USP13: variants seen among roughly 807,000 people sequenced by gnomAD.
USP13 encodes the protein ubiquitin carboxyl-terminal hydrolase 13.
Under a neutral mutation model 107.8 loss-of-function variants are expected in USP13, and 68 were observed. That is an observed-to-expected ratio of 0.63 (90% confidence interval 0.52 to 0.77). USP13 has a LOEUF of 0.77. USP13 is among the 30% of genes least tolerant of loss of function. The probability of loss-of-function intolerance (pLI) is 0.00; values close to 1 mark genes in which losing one functional copy is unlikely to be tolerated. For synonymous variants in USP13, 377 were observed against 389.5 expected (o/e 0.97, Z 0.38); for missense variants, 945 against 1,093.3 (o/e 0.86, Z 1.91).
intron 1 of USP13, among the ~76,000 whole-genome samples, chr3:179,674,284 G>A (rs533374149): frequency 1.6e-4 from 25 of 152,328 alleles, no homozygotes; most frequent in Non-Finnish European, 2.8e-4. Context: ...ACCAGTTTGG[G>A]TTTTGTGGAA....
At chr3:179,663,236 T>A (rs566946031) in intron 1 of USP13, among the ~76,000 whole-genome samples, 1 of 152,358 alleles carries the variant, frequency 6.6e-6, no homozygotes, top group South Asian at 2.1e-4. Context: ...AGTGGAATCA[T>A]GCAATATTTG....
At chr3:179,715,947 G>A (rs932493707) in intron 6 of USP13, among the ~76,000 whole-genome samples, 1 of 151,862 alleles carries the variant, frequency 6.6e-6, no homozygotes, top group Non-Finnish European at 1.5e-5. Flanking sequence ...GTTTTGAGAC[G>A]CAGTTTCACT....
At chr3:179,718,750 A>G (rs957754314) in intron 6 of USP13, among the ~76,000 whole-genome samples, 6 of 151,766 alleles carry the variant, frequency 4.0e-5, no homozygotes, top group African/African-American at 1.5e-4. Context: ...GGGGCTCAAG[A>G]TTCTGCATTT....
chr3:179,776,858 GTTTTTT>G (rs71628094), intron 19 of USP13, among the ~76,000 whole-genome samples: 1 of 78,302 alleles, frequency 1.3e-5, no homozygotes, highest in African/African-American at 5.2e-5. Context: ...TAGAGTGCTG[GTTTTTT>G]TTTTTTTTTT....
chr3:179,743,259 G>A (rs1264202476), intron 12 of USP13, among the ~76,000 whole-genome samples: 1 of 152,074 alleles, frequency 6.6e-6, no homozygotes, highest in Admixed American at 6.6e-5. Context: ...TTGGTGGGTG[G>A]GGGGAAAGGG....
chr3:179,681,909 A>C lies in USP13; in HGVS notation c.200A>C (p.Asn67Thr). The change falls in exon 2 of 21, where the codon AAT (asparagine) becomes ACT (threonine). Residue 67 changes from asparagine to threonine, a missense_variant. Physicochemically the swap from Asn to Thr is moderately conservative, Grantham distance 65. Transcript: ENST00000263966. ...NSEGGLYVCM[N>T]TFLAFGREHV... ...GAAGGTGGACTCTATGTATGCATGA[A>C]TACATTTTTGGCCTTTGGAAGGGAA... is the stretch of plus-strand genomic sequence containing the variant. 6.2e-7 allele frequency: 1 copy of C among 1,614,022 alleles called. No individual in the cohort carries two copies. The highest frequency in any genetic ancestry group is 1.1e-5 in the South Asian group (1 of 91,052).
chr3:179,765,864 A>G lies in USP13; in HGVS notation c.2413+16A>G, dbSNP rs1372008493. 6.2e-7 allele frequency: 1 copy of G among 1,612,556 alleles called. No homozygotes were observed. Among genetic ancestry groups the G allele is most frequent in the Non-Finnish European group, 8.5e-7 (1 of 1,179,236 alleles). On this transcript the variant is annotated intron_variant, in intron 19 of 20. Transcript: ENST00000263966. ...GGATCTGGAAGTAAGTTCTTGCCTT[A>G]GAGGCTGTCTGAGCAGTCAGAACTA...
At chr3:179,662,875 C>G (rs1265949830) in intron 1 of USP13, among the ~76,000 whole-genome samples, 1 of 152,204 alleles carries the variant, frequency 6.6e-6, no homozygotes, top group Non-Finnish European at 1.5e-5. Context: ...TGGACTGGAG[C>G]TCAGTTAAAG....
intron 19 of USP13, 98 bp from the exon 20 acceptor site, chr3:179,781,641 G>T: frequency 2.0e-6 from 2 of 1,003,500 alleles, no homozygotes; most frequent in Non-Finnish European, 3.0e-6. Flanking sequence ...AATCTAAACA[G>T]TTGCTGGATT....
chr3:179,742,820 G>T lies in USP13; in HGVS notation c.1534+470G>T, dbSNP rs1339875613. ...CCACCTCTTCTGGGAGATAAATTGT[G>T]TCAGGGTTCTTTGTAGAAGCAAAGC... On this transcript the variant is annotated intron_variant, in intron 12 of 20. Coordinates refer to ENST00000263966, the MANE Select transcript of USP13 (RefSeq NM_003940.3). The surrounding 1 kb of genome is among the most constrained non-coding windows in gnomAD (Gnocchi z 5.0). Among the ~76,000 whole-genome samples the T allele has an allele frequency of 6.6e-6, 1 of 152,166 alleles. No individual in the cohort carries two copies. Among genetic ancestry groups the T allele is most frequent in the Non-Finnish European group, 1.5e-5 (1 of 68,030 alleles).
At chr3:179,673,857 G>T (rs1446477044) in intron 1 of USP13, among the ~76,000 whole-genome samples, 1 of 152,232 alleles carries the variant, frequency 6.6e-6, no homozygotes, top group Non-Finnish European at 1.5e-5. Context: ...GCTGAGAGAT[G>T]AGTACAACAC....
chr3:179,761,098 G>T lies in USP13; in HGVS notation c.1949-14G>T. 1 of 1,614,122 alleles carries T rather than the reference G, an allele frequency of 6.2e-7. No individual in the cohort carries two copies. On this transcript the variant is annotated splice_polypyrimidine_tract_variant and intron_variant, in intron 16 of 20. Coordinates refer to ENST00000263966, the MANE Select transcript of USP13 (RefSeq NM_003940.3). ...TTCCTCTTTCACACTAGAATATCCT[G>T]TTGTGCTCTGTAGCATCAGACATCG...
chr3:179,745,079 C>G lies in USP13; in HGVS notation c.1571C>G (p.Ala524Gly). Residue 524 changes from alanine (A) to glycine (G), a missense_variant, in exon 13 of 21, where the codon GCA becomes GGA. Ala to Gly is a moderately conservative substitution (Grantham distance 60). Coordinates refer to ENST00000263966, the MANE Select transcript of USP13 (RefSeq NM_003940.3). The stretch of plus-strand genomic sequence containing the variant: ...GCTTATGAACTAACGAGAAGGGAAG[C>G]AGAAGCAAACAGAAGACCCCTTCCT... ...LIAYELTRREAEANRRPLPEL... is the reference protein window; with the variant it reads ...LIAYELTRREGEANRRPLPEL... The G allele has an allele frequency of 6.2e-7, 1 of 1,614,160 alleles. No homozygotes were observed. The highest frequency in any genetic ancestry group is 8.5e-7 in the Non-Finnish European group (1 of 1,180,040).
Position 179,745,037 on chromosome 3 carries a change from AC to A in USP13, c.1535-3del. 2 of 1,614,092 alleles carry A rather than the reference AC, an allele frequency of 1.2e-6. No homozygotes were observed. On this transcript the variant is annotated splice_polypyrimidine_tract_variant and splice_region_variant and intron_variant, in intron 12 of 20. Coordinates refer to ENST00000263966, the MANE Select transcript of USP13 (RefSeq NM_003940.3). The stretch of plus-strand genomic sequence containing the variant: ...TGCAAGGTCTTTGATTTGCTCTTTC[AC>A]CCAGATGAACTGATCGCTTATGAAC...
intron 15 of USP13, among the ~76,000 whole-genome samples, chr3:179,756,629 G>A (rs1314950533): frequency 6.6e-6 from 1 of 151,952 alleles, no homozygotes; most frequent in Non-Finnish European, 1.5e-5. Flanking sequence ...CTGGTGACAT[G>A]TGCCTGTAGT....
chr3:179,679,407 A>G lies in USP13; in HGVS notation c.169-2471A>G, dbSNP rs187314883. On this transcript the variant is annotated intron_variant, in intron 1 of 20. Transcript: ENST00000263966. The stretch of plus-strand genomic sequence containing the variant: ...GCTCTACTGAAATGCACTGTAAGGA[A>G]TTTTGTAAGGTATTTATTGGCAATT... Among the ~76,000 whole-genome samples, 227 of 152,248 alleles carry G rather than the reference A, an allele frequency of 1.5e-3. 1 individual carries two copies. The highest frequency in any genetic ancestry group is 5.2e-3 in the African/African-American group (217 of 41,544).
chr3:179,702,076 G>C (rs1712548701), intron 4 of USP13, among the ~76,000 whole-genome samples: 1 of 151,748 alleles, frequency 6.6e-6, no homozygotes. Flanking sequence ...CTGGAGTGCC[G>C]TGGCGCGATC....
intron 19 of USP13, 85 bp downstream of exon 19, chr3:179,765,933 G>C: frequency 7.0e-7 from 1 of 1,426,250 alleles, no homozygotes; most frequent in East Asian, 2.3e-5. Flanking sequence ...ACATAGTCAA[G>C]CCTTTGCCAT....
intron 1 of USP13, among the ~76,000 whole-genome samples, chr3:179,655,762 A>G (rs1720240770): frequency 1.3e-5 from 2 of 152,028 alleles, no homozygotes; most frequent in Admixed American, 6.5e-5. Flanking sequence ...CATGTTGGTT[A>G]GGCTGCTCTC....
Sources: allele counts gnomAD v4.1 joint callset (sites outside exome capture counted in the v4.1 genomes callset), GRCh38; gene constraint gnomAD v4.1.1; non-coding constraint Gnocchi (gnomAD v3.1); transcripts MANE v1.5; gene names NCBI Gene and HGNC (gene_info 2026-07-23, HGNC 2026-07-21).